PDE10A: variants seen among roughly 807,000 people sequenced by gnomAD.
PDE10A encodes the protein cAMP and cAMP-inhibited cGMP 3',5'-cyclic phosphodiesterase 10A.
PDE10A carries 39 observed loss-of-function variants against 97.7 expected under a neutral mutation model. The ratio of observed to expected loss-of-function variants is 0.40; its 90% confidence interval spans 0.31 to 0.52. The LOEUF is 0.52. Ranked by LOEUF, PDE10A falls within the 20% of genes least tolerant of loss-of-function variation. The pLI, the probability that PDE10A is intolerant of heterozygous loss-of-function variation, is 0.56. For synonymous variants in PDE10A, 371 were observed against 376.8 expected (o/e 0.98, Z 0.18); for missense variants, 731 against 1,047.8 (o/e 0.70, Z 4.17).
At chr6:165,931,835 G>C (rs1418373239) in intron 1 of PDE10A, among the ~76,000 whole-genome samples, 1 of 152,094 alleles carries the variant, frequency 6.6e-6, no homozygotes, top group Non-Finnish European at 1.5e-5. Flanking sequence ...AGTGTGTGGC[G>C]CCCTCCTGCT....
intron 1 of PDE10A, among the ~76,000 whole-genome samples, chr6:165,679,064 G>A (rs1480537616): frequency 3.9e-5 from 6 of 152,222 alleles, no homozygotes; most frequent in Non-Finnish European, 8.8e-5. Flanking sequence ...ACACATGAGA[G>A]ACATTTAAAG....
In PDE10A at chr6:165,960,125, G is replaced by A. The variant is rs141841123; in HGVS notation, c.-615+27404C>T. ...CCACCTAGAGAGAAAGTGAGCTGCTGTACTTCAAAAGCCATTAAGGAGGTT... is the reference window on the plus strand; with the variant it reads ...CCACCTAGAGAGAAAGTGAGCTGCTATACTTCAAAAGCCATTAAGGAGGTT... On this transcript the variant is annotated intron_variant, in intron 1 of 19. Coordinates refer to the PDE10A transcript ENST00000366882. 2.3e-3 allele frequency among the ~76,000 whole-genome samples: 350 copies of A among 152,250 alleles called. 1 individual carries two copies. The highest frequency in any genetic ancestry group is 3.9e-3 in the Non-Finnish European group (262 of 68,020).
chr6:165,501,277 G>A (rs1342827134), intron 2 of PDE10A, among the ~76,000 whole-genome samples: 1 of 152,122 alleles, frequency 6.6e-6, no homozygotes, highest in Non-Finnish European at 1.5e-5. Flanking sequence ...AAAGTTCTGA[G>A]GAGGCCAGGC....
chr6:165,615,220 A>AAAAAGAAAG (rs547731839), intron 1 of PDE10A, among the ~76,000 whole-genome samples: 28 of 148,536 alleles, frequency 1.9e-4, no homozygotes, highest in South Asian at 6.3e-4. Flanking sequence ...AGAAAAAAAA[A>AAAAAGAAAG]AAAGAAAGAA....
upstream of PDE10A, among the ~76,000 whole-genome samples, chr6:165,666,083 T>C (rs1790490050): frequency 6.6e-6 from 1 of 152,184 alleles, no homozygotes; most frequent in Non-Finnish European, 1.5e-5. Context: ...AGTATGAAAT[T>C]TCTTCATGAT....
chr6:165,386,217 G>A (rs1018456453), intron 17 of PDE10A, among the ~76,000 whole-genome samples: 3 of 152,112 alleles, frequency 2.0e-5, no homozygotes, highest in African/African-American at 4.8e-5. Context: ...CAGCAACTGG[G>A]CCAAGTCTTC....
intron 1 of PDE10A, among the ~76,000 whole-genome samples, chr6:165,637,714 T>G (rs1221615423): frequency 6.6e-6 from 1 of 151,984 alleles, no homozygotes. Flanking sequence ...AGGACAGGGG[T>G]CATCGACCCA....
intron 1 of PDE10A, among the ~76,000 whole-genome samples, chr6:165,710,147 A>C (rs1791858260): frequency 6.6e-6 from 1 of 152,160 alleles, no homozygotes; most frequent in African/African-American, 2.4e-5. Context: ...CGCCACTCTG[A>C]GAGATGCCAC....
intron 18 of PDE10A, among the ~76,000 whole-genome samples, chr6:165,365,797 A>C (rs1783735564): frequency 2.0e-5 from 3 of 152,202 alleles, no homozygotes; most frequent in African/African-American, 4.8e-5. Context: ...AAAATGATTA[A>C]ATGAACCTTC....
At chr6:165,884,907 CAG>C (rs991107736) in intron 1 of PDE10A, among the ~76,000 whole-genome samples, 3 of 152,156 alleles carry the variant, frequency 2.0e-5, no homozygotes, top group African/African-American at 7.2e-5. Flanking sequence ...GAAATAAACA[CAG>C]AGGGAGGGAA....
chr6:165,498,468 C>T (rs1414407203), intron 2 of PDE10A, among the ~76,000 whole-genome samples: 2 of 51,284 alleles, frequency 3.9e-5, no homozygotes, highest in Admixed American at 4.4e-4. Context: ...AAAAAAAAAT[C>T]AGTAACAGAG....
At chr6:165,947,461 T>G (rs1469172069) in intron 1 of PDE10A, among the ~76,000 whole-genome samples, 1 of 152,162 alleles carries the variant, frequency 6.6e-6, no homozygotes, top group African/African-American at 2.4e-5. Context: ...ATTCTATCAT[T>G]TATTCTATAT....
intron 1 of PDE10A, among the ~76,000 whole-genome samples, chr6:165,705,680 T>C (rs894325578): frequency 1.3e-5 from 2 of 152,236 alleles, no homozygotes; most frequent in African/African-American, 4.8e-5. Context: ...TTCTTTTGAT[T>C]TTTATGGCTA....
intron 2 of PDE10A, among the ~76,000 whole-genome samples, chr6:165,493,661 T>C (rs1360555013): frequency 2.0e-5 from 3 of 152,094 alleles, no homozygotes; most frequent in Non-Finnish European, 4.4e-5. Context: ...TCTCATCTTA[T>C]ACAAAAATCA....
At chr6:165,938,927 A>G (rs1783425782) in intron 1 of PDE10A, among the ~76,000 whole-genome samples, 1 of 152,246 alleles carries the variant, frequency 6.6e-6, no homozygotes. Flanking sequence ...CATATGTGCA[A>G]CAATATTTAT....
intron 1 of PDE10A, among the ~76,000 whole-genome samples, chr6:165,867,367 G>A (rs1781086203): frequency 1.3e-5 from 2 of 151,746 alleles, no homozygotes; most frequent in African/African-American, 2.4e-5. Context: ...GCTTGCAGGA[G>A]TAGCAAAACT....
chr6:165,812,573 G>C (rs1402518692), intron 1 of PDE10A, among the ~76,000 whole-genome samples: 2 of 152,212 alleles, frequency 1.3e-5, no homozygotes, highest in Non-Finnish European at 2.9e-5. Context: ...AATGGGTAGT[G>C]ACTTTCTCAA....
intron 1 of PDE10A, among the ~76,000 whole-genome samples, chr6:165,898,631 C>T (rs574222371): frequency 8.6e-5 from 13 of 151,618 alleles, no homozygotes; most frequent in South Asian, 2.1e-4. Context: ...ACCCTGAGGG[C>T]ATCTACACCT....
intron 1 of PDE10A, among the ~76,000 whole-genome samples, chr6:165,826,913 C>T (rs1315983833): frequency 6.7e-6 from 1 of 150,018 alleles, no homozygotes; most frequent in Non-Finnish European, 1.5e-5. Flanking sequence ...GAGGTGGGCG[C>T]AGGCGGGATG....
Sources: allele counts gnomAD v4.1 joint callset (sites outside exome capture counted in the v4.1 genomes callset), GRCh38; gene constraint gnomAD v4.1.1; transcripts MANE v1.5; gene names NCBI Gene and HGNC (gene_info 2026-07-23, HGNC 2026-07-21).